Variants in PTPRN2 observed in about 807,000 individuals in gnomAD.
The protein encoded by PTPRN2 is receptor-type tyrosine-protein phosphatase N2.
Under a neutral mutation model 118.8 loss-of-function variants are expected in PTPRN2, and 74 were observed. The ratio of observed to expected loss-of-function variants is 0.62; its 90% CI spans 0.52 to 0.76. The LOEUF (loss-of-function observed/expected upper bound fraction) is 0.76. PTPRN2 is among the 30% of genes least tolerant of loss of function. The pLI is 0.00. For missense variants in PTPRN2, 1,481 were observed against 1,394.4 expected (o/e 1.06, Z -0.99); for synonymous variants, 641 against 608.0 (o/e 1.05, Z -0.80).
intron 12 of PTPRN2, among the ~76,000 whole-genome samples, chr7:157,750,811 T>C (rs1378500750): frequency 1.3e-5 from 2 of 152,194 alleles, no homozygotes; most frequent in African/African-American, 2.4e-5. Flanking sequence ...AGGAAGGGTG[T>C]AAAGCCCGCC....
chr7:157,869,121 A>G lies in PTPRN2; in HGVS notation c.1788+29552T>C, dbSNP rs544270603. The G allele has an allele frequency of 6.6e-6, 1 of 152,318 alleles. No individual in the cohort carries two copies. The highest frequency in any genetic ancestry group is 2.4e-5 in the African/African-American group (1 of 41,580). The allele number at this position is 152,318 out of a possible 1,614,324, so 9.4% of individuals were successfully genotyped here. A position where few individuals can be genotyped will look rare whatever the true frequency, so the allele number is the denominator to read the frequency against. ...TTCTGATGTTTCCCTGGATGACAAG[A>G]TGTTTTCTTTATTAAAATATCAAGG... On this transcript the variant is annotated intron_variant, in intron 12 of 22. Coordinates refer to ENST00000389418, the MANE Select transcript of PTPRN2 (RefSeq NM_002847.5). This position sits in a 1 kb window ranked among gnomAD's most constrained non-coding sequence, Gnocchi z 4.2.
At chr7:158,120,574 C>T (rs1327066735) in intron 9 of PTPRN2, among the ~76,000 whole-genome samples, 4 of 152,090 alleles carry the variant, frequency 2.6e-5, no homozygotes, top group Admixed American at 6.5e-5. Flanking sequence ...AAGCCTGTGG[C>T]GTGTTCTTTA....
intron 9 of PTPRN2, among the ~76,000 whole-genome samples, chr7:158,114,742 C>A (rs965189742): frequency 5.9e-5 from 9 of 152,192 alleles, no homozygotes; most frequent in African/African-American, 2.2e-4. Flanking sequence ...CTGGTCCAGG[C>A]TGGGGTAAGG....
rs1563131661 is a variant in PTPRN2 at position 158,319,513 on chromosome 7, A to ACACG, written c.164-2582_164-2581insCGTG. 2.1e-3 allele frequency among the ~76,000 whole-genome samples: 147 copies of ACACG among 71,604 alleles called. 28 individuals are homozygous for ACACG. Among genetic ancestry groups the ACACG allele is most frequent in the African/African-American group, 8.6e-3 (131 of 15,278 alleles). The allele number at this position is 71,604 out of a possible 152,430, so 47.0% of individuals were successfully genotyped here. On this transcript the variant is annotated intron_variant, in intron 2 of 22. Transcript: ENST00000389418. ...TCACACTCACACAGCCTCCCCCCAC[A>ACACG]CACACAGCCTCCCTCACACACACAG...
At chr7:158,079,095 G>A (rs1032211081) in intron 11 of PTPRN2, among the ~76,000 whole-genome samples, 1 of 152,118 alleles carries the variant, frequency 6.6e-6, no homozygotes, top group African/African-American at 2.4e-5. Flanking sequence ...CGCCCACCTT[G>A]GCCTCCTAAA....
At chr7:157,942,200 G>GA (rs1563260056) in intron 11 of PTPRN2, among the ~76,000 whole-genome samples, 8 of 39,174 alleles carry the variant, frequency 2.0e-4, no homozygotes, top group African/African-American at 2.0e-3. Context: ...CACACACAGG[G>GA]GTCCTCGGCC....
Position 158,431,194 on chromosome 7 carries a change from G to A in PTPRN2, c.163+58541C>T, listed in dbSNP as rs568329169. On this transcript the variant is annotated intron_variant, in intron 2 of 22. Coordinates refer to ENST00000389418, the MANE Select transcript of PTPRN2 (RefSeq NM_002847.5). ...CCCCAGGCACACACTGCCTCACAGC[G>A]GGCTCACACTGGGCCCACACTGGCT... 2.0e-4 allele frequency among the ~76,000 whole-genome samples: 31 copies of A among 151,766 alleles called. 1 individual carries two copies. The highest frequency in any genetic ancestry group is 3.3e-4 in the Admixed American group (5 of 15,248).
chr7:158,054,149 G>C (rs563779519), intron 11 of PTPRN2, among the ~76,000 whole-genome samples: 3 of 152,126 alleles, frequency 2.0e-5, no homozygotes, highest in South Asian at 2.1e-4. Context: ...GGGGGCCCTA[G>C]AGAGAAGTCA....
intron 5 of PTPRN2, among the ~76,000 whole-genome samples, chr7:158,189,817 A>G (rs1825619255): frequency 6.6e-6 from 1 of 152,256 alleles, no homozygotes; most frequent in Non-Finnish European, 1.5e-5. Context: ...AGGGCCCCAC[A>G]GCCCTTCTGA....
intron 12 of PTPRN2, among the ~76,000 whole-genome samples, chr7:157,687,853 A>G (rs983913519): frequency 6.6e-6 from 1 of 152,254 alleles, no homozygotes; most frequent in Non-Finnish European, 1.5e-5. Flanking sequence ...TATTTTTTAA[A>G]GCTGTTAACG....
chr7:158,245,537 G>A lies in PTPRN2; in HGVS notation c.278-40264C>T, dbSNP rs73520528. Among the ~76,000 whole-genome samples the A allele has an allele frequency of 9.0e-3, 1,373 of 152,246 alleles. 36 individuals are homozygous for A. Among genetic ancestry groups the A allele is most frequent in the African/African-American group, 0.031 (1,282 of 41,500 alleles). The stretch of plus-strand genomic sequence containing the variant: ...AAACCAGGGGCCTTTCATCCGAGCC[G>A]ACCTCTTGACGTAGAGTCAGGTCTC... On this transcript the variant is annotated intron_variant, in intron 3 of 22. Coordinates refer to ENST00000389418, the MANE Select transcript of PTPRN2 (RefSeq NM_002847.5).
rs979000092 is a variant in PTPRN2 at position 158,313,615 on chromosome 7, CT to C, written c.277+3203del. ...CCACATGGGGCTGCCTGGGACCCCC[CT>C]ATCCCCATGTGGGGCTGCCTGGGAC... On this transcript the variant is annotated intron_variant, in intron 3 of 22. Transcript: ENST00000389418. Among the ~76,000 whole-genome samples, 5 of 152,262 alleles carry C rather than the reference CT, an allele frequency of 3.3e-5. No individual in the cohort carries two copies. In the East Asian group the frequency reaches 5.8e-4, roughly 18 times the overall value.
chr7:157,708,046 C>G (rs934031953), intron 12 of PTPRN2, among the ~76,000 whole-genome samples: 5 of 152,252 alleles, frequency 3.3e-5, no homozygotes, highest in African/African-American at 7.2e-5. Context: ...TAGCAGTGTG[C>G]ATCTGCCTTG....
rs1005172988 is a variant in PTPRN2, at chr7:158,324,544, G to A, written c.164-7612C>T. Among the ~76,000 whole-genome samples, 7 of 151,916 alleles carry A rather than the reference G, an allele frequency of 4.6e-5. No homozygotes were observed. The East Asian group carries it at 5.9e-4, about 13-fold the overall frequency. On this transcript the variant is annotated intron_variant, in intron 2 of 22. Transcript: ENST00000389418. ...CCTAGGAGGGGCTGGCATGAGTCTC[G>A]CAAGTTCTCAGGTGGCCATGCGCCT...
intron 10 of PTPRN2, among the ~76,000 whole-genome samples, chr7:158,085,521 A>AC: frequency 9.0e-6 from 1 of 110,700 alleles, no homozygotes; most frequent in African/African-American, 3.7e-5. Context: ...CCATCCACAC[A>AC]GATGCCCATC....
intron 2 of PTPRN2, among the ~76,000 whole-genome samples, chr7:158,324,678 T>A (rs1038665349): frequency 2.9e-5 from 4 of 138,328 alleles, no homozygotes; most frequent in African/African-American, 8.5e-5. Context: ...TGGACCTCTG[T>A]TCTTCAGAGT....
chr7:157,925,837 A>G lies in PTPRN2; in HGVS notation c.1724-27100T>C, dbSNP rs76030537. Among the ~76,000 whole-genome samples the G allele has an allele frequency of 1.1e-4, 16 of 152,202 alleles. No individual in the cohort carries two copies. In the East Asian group the frequency reaches 3.1e-3, roughly 29 times the overall value. On this transcript the variant is annotated intron_variant, in intron 11 of 22. Coordinates refer to ENST00000389418, the MANE Select transcript of PTPRN2 (RefSeq NM_002847.5). The stretch of plus-strand genomic sequence containing the variant: ...TCAGGAACCAGTGACGTGATGGTAA[A>G]CAGAGGAAAACACGGGCCACTCTTC...
intron 13 of PTPRN2, chr7:157,669,442 C>G: frequency 2.2e-6 from 1 of 457,268 alleles, no homozygotes; most frequent in Non-Finnish European, 4.4e-6. Context: ...CACACACACC[C>G]AGGGGAGGAT....
intron 2 of PTPRN2, among the ~76,000 whole-genome samples, chr7:158,397,274 G>A (rs750539035): frequency 4.6e-5 from 7 of 152,202 alleles, no homozygotes; most frequent in Admixed American, 6.5e-5. Context: ...GCCCAATGTG[G>A]GGCCACTCTG....
Sources: gnomAD v4.1 joint callset for allele counts (sites outside exome capture counted in the v4.1 genomes callset) on GRCh38, gnomAD v4.1.1 for gene constraint, Gnocchi (gnomAD v3.1) non-coding constraint, MANE v1.5 for transcripts, NCBI Gene and HGNC (gene_info 2026-07-23, HGNC 2026-07-21) for gene names.